Variants in SLC9B2 observed in about 807,000 individuals in gnomAD.
The protein encoded by SLC9B2 is sodium/hydrogen exchanger 9B2.
In SLC9B2, 39 loss-of-function variants were observed where a neutral mutation model predicts 52.2. The ratio of observed to expected loss-of-function variants is 0.75; its 90% CI spans 0.58 to 0.98. The LOEUF (loss-of-function observed/expected upper bound fraction) is 0.98. Ranked by LOEUF, SLC9B2 falls within the 50% of genes least tolerant of loss-of-function variation. The pLI, the probability that SLC9B2 is intolerant of heterozygous loss-of-function variation, is 0.00. For synonymous variants in SLC9B2, 214 were observed against 227.0 expected, an observed-to-expected ratio of 0.94 and a Z score of 0.51; for missense variants, 626 against 637.5, an observed-to-expected ratio of 0.98 and a Z score of 0.19.
In SLC9B2 at chr4:103,022,656, T is replaced by C. The variant is rs992954309; in HGVS notation, c.*3714A>G. The stretch of plus-strand genomic sequence containing the variant: ...GAAATTTTGAGGACATCAAGATCAA[T>C]CAAGGTGATTGGGAGTTAATACCAG... On this transcript the variant is annotated 3_prime_UTR_variant, in exon 12 of 12. Coordinates refer to ENST00000394785, the MANE Select transcript of SLC9B2 (RefSeq NM_178833.7). 1.3e-5 allele frequency among the ~76,000 whole-genome samples: 2 copies of C among 152,196 alleles called. No individual in the cohort carries two copies. The highest frequency in any genetic ancestry group is 2.9e-5 in the Non-Finnish European group (2 of 68,028).
At chr4:103,031,337 A>C (rs1742680753) in intron 10 of SLC9B2, among the ~76,000 whole-genome samples, 1 of 152,164 alleles carries the variant, frequency 6.6e-6, no homozygotes, top group Admixed American at 6.5e-5. Context: ...CTATAGAACT[A>C]ACTAGTTGTC....
chr4:103,059,159 A>C (rs1745414288), intron 3 of SLC9B2, among the ~76,000 whole-genome samples: 1 of 152,236 alleles, frequency 6.6e-6, no homozygotes, highest in African/African-American at 2.4e-5. Flanking sequence ...GAGTTGGGGC[A>C]GACCACTCAA....
At chr4:103,048,610 C>A (rs528725943) in intron 6 of SLC9B2, 1 of 268,258 alleles carries the variant, frequency 3.7e-6, no homozygotes, top group East Asian at 8.6e-5. Flanking sequence ...TTTGTGCAGA[C>A]GTTAGGTGGA....
In SLC9B2 at chr4:103,049,114, C is replaced by T; in HGVS notation, c.586-94G>A. The T allele has an allele frequency of 3.5e-6, 5 of 1,412,804 alleles. No individual in the cohort carries two copies. In the South Asian group the frequency reaches 7.4e-5, roughly 21 times the overall value. 87.5% of individuals were successfully genotyped at this position (1,412,804 alleles called of 1,614,324 possible). ...TTTCTCTTCAGTATATGGACCACGT[C>T]TGGGTCATCATGAGTTTTCAAGGTA... is the stretch of plus-strand genomic sequence containing the variant. On this transcript the variant is annotated intron_variant, in intron 5 of 11. Transcript: ENST00000394785.
In SLC9B2 at chr4:103,067,500, T is replaced by C. The variant is rs1746244708; in HGVS notation, c.51A>G (p.Thr17=). ...GCATGGAGGGCGTGTAATTCATTCC[T>C]GTGGATGGTTCTGAATCTTCATATG... ...RITYEDSEPS[T]GMNYTPSMHQ... is the part of the protein sequence containing the mutation. Residue 17 remains threonine (T), a synonymous_variant, in exon 2 of 12, where the codon ACA becomes ACG. Coordinates refer to ENST00000394785, the MANE Select transcript of SLC9B2 (RefSeq NM_178833.7). 6.2e-7 allele frequency: 1 copy of C among 1,613,598 alleles called. No individual in the cohort carries two copies. The highest frequency in any genetic ancestry group is 8.5e-7 in the Non-Finnish European group (1 of 1,179,602).
chr4:103,052,548 T>C (rs1421083003), intron 4 of SLC9B2, among the ~76,000 whole-genome samples: 1 of 152,244 alleles, frequency 6.6e-6, no homozygotes, highest in Non-Finnish European at 1.5e-5. Context: ...CACTAATGCT[T>C]ACATTCCATT....
At position 103,026,291 on chromosome 4, in the gene SLC9B2, A is replaced by T. The variant is rs1357776630; in HGVS notation, c.*79T>A. The T allele has an allele frequency of 1.5e-6, 2 of 1,294,394 alleles. No homozygotes were observed. Among genetic ancestry groups the T allele is most frequent in the Non-Finnish European group, 2.1e-6 (2 of 934,354 alleles). The allele number at this position is 1,294,394 out of a possible 1,614,324, so 80.2% of individuals were successfully genotyped here. A position where few individuals can be genotyped will look rare whatever the true frequency, so the allele number is the denominator to read the frequency against. On this transcript the variant is annotated 3_prime_UTR_variant, in exon 12 of 12. Transcript: ENST00000394785. ...TGGTTCTATTACATTTTAAGCTTAA[A>T]CATTACATATTTCAATATGCATCTT...
downstream of SLC9B2, chr4:103,019,567 G>A (rs754711223): frequency 4.1e-5 from 40 of 984,916 alleles, no homozygotes; most frequent in Admixed American, 6.1e-5. Flanking sequence ...CAAAGGGCTT[G>A]GAAGGGCGGC....
rs1410748900 is a variant in SLC9B2 at position 103,023,022 on chromosome 4, CT to C, written c.*3347del. On this transcript the variant is annotated 3_prime_UTR_variant, in exon 12 of 12. Transcript: ENST00000394785. Reference sequence around the variant, plus strand: ...GGCATCCTGATCTCGAACTTCCAACCTTTAATAGAAGTAAGTTTCTGTTGTG... The same window carrying C: ...GGCATCCTGATCTCGAACTTCCAACCTTAATAGAAGTAAGTTTCTGTTGTG... 6.6e-6 allele frequency among the ~76,000 whole-genome samples: 1 copy of C among 152,166 alleles called. No homozygotes were observed. The highest frequency in any genetic ancestry group is 1.5e-5 in the Non-Finnish European group (1 of 68,036).
rs1741955404 is a variant in SLC9B2, at chr4:103,023,546, C to T, written c.*2824G>A. Among the ~76,000 whole-genome samples, 1 of 152,136 alleles carries T rather than the reference C, an allele frequency of 6.6e-6. No individual in the cohort carries two copies. The highest frequency in any genetic ancestry group is 6.5e-5 in the Admixed American group (1 of 15,280). On this transcript the variant is annotated 3_prime_UTR_variant, in exon 12 of 12. Transcript: ENST00000394785. ...ATGGTCAGCCTCTGTCATTCTTGAC[C>T]TCACCATCTCCATGATATATAACAG...
intron 8 of SLC9B2, 77 bp from the exon 9 acceptor site, chr4:103,043,522 G>A (rs1209901489): frequency 3.1e-6 from 4 of 1,290,452 alleles, no homozygotes; most frequent in Non-Finnish European, 3.2e-6. Context: ...CCATATCTAG[G>A]ATTTAGAAAG....
rs756420371 is a variant in SLC9B2, at chr4:103,073,948, ATC to A, written c.-43+2234_-43+2235del. Reference sequence around the variant, plus strand: ...GATAAGTCATTATTGGTGTAAATCAATCTCTGTAACACCATTCCTCTTTGCCA... The same window carrying A: ...GATAAGTCATTATTGGTGTAAATCAATCTGTAACACCATTCCTCTTTGCCA... On this transcript the variant is annotated intron_variant, in intron 1 of 11. Transcript: ENST00000394785. 3.2e-4 allele frequency among the ~76,000 whole-genome samples: 48 copies of A among 152,296 alleles called. No individual in the cohort carries two copies. In the East Asian group the frequency reaches 3.3e-3, roughly 10 times the overall value.
At chr4:103,029,389 C>A (rs1432299824) in intron 10 of SLC9B2, among the ~76,000 whole-genome samples, 1 of 151,858 alleles carries the variant, frequency 6.6e-6, no homozygotes, top group African/African-American at 2.4e-5. Flanking sequence ...ATATTTTAAC[C>A]CAAAAAGTCA....
In SLC9B2 at chr4:103,048,910, T is replaced by A. The variant is rs771580095; in HGVS notation, c.696A>T (p.Gln232His). ...LAHYLLGLPWQWGFILGFVLG... is the reference protein window; with the variant it reads ...LAHYLLGLPWHWGFILGFVLG... ...ATCATTACCCCAGTATAAATCCCCATTGCCATGGTAAACCCAGCAGGTAAT... is the reference window on the plus strand; with the variant it reads ...ATCATTACCCCAGTATAAATCCCCAATGCCATGGTAAACCCAGCAGGTAAT... The change falls in exon 6 of 12, where the codon CAA becomes CAT. Residue 232 changes from glutamine (Q) to histidine (H), a missense_variant. Physicochemically the swap from Gln to His is conservative, Grantham distance 24 (BLOSUM62 0). Coordinates refer to ENST00000394785, the MANE Select transcript of SLC9B2 (RefSeq NM_178833.7). The A allele has an allele frequency of 1.9e-6, 3 of 1,613,792 alleles. No individual in the cohort carries two copies. The highest frequency in any genetic ancestry group is 2.5e-6 in the Non-Finnish European group (3 of 1,179,798).
At chr4:103,060,528 GTTTT>G (rs1220473145) in intron 3 of SLC9B2, among the ~76,000 whole-genome samples, 2 of 114,948 alleles carry the variant, frequency 1.7e-5, no homozygotes, top group African/African-American at 3.3e-5. Flanking sequence ...CCTTTTGCAT[GTTTT>G]TTTTGTTTGT....
chr4:103,037,445 G>T (rs1743272876), intron 9 of SLC9B2, among the ~76,000 whole-genome samples: 1 of 152,142 alleles, frequency 6.6e-6, no homozygotes. Flanking sequence ...AATATATTCA[G>T]CAGTTTGACA....
chr4:103,064,184 T>C (rs1189877381), intron 3 of SLC9B2, among the ~76,000 whole-genome samples: 1 of 152,178 alleles, frequency 6.6e-6, no homozygotes, highest in Non-Finnish European at 1.5e-5. Flanking sequence ...GTTGAAGAGA[T>C]TTCTGCACTC....
downstream of SLC9B2, chr4:103,019,756 G>C: frequency 1.0e-6 from 1 of 985,662 alleles, no homozygotes; most frequent in South Asian, 4.7e-5. Flanking sequence ...GCGGCAGCGC[G>C]TTTAAGTGAC....
rs1198449604 is a variant in SLC9B2 at position 103,024,281 on chromosome 4, T to C, written c.*2089A>G. Among the ~76,000 whole-genome samples the C allele has an allele frequency of 6.6e-6, 1 of 152,158 alleles. No homozygotes were observed. The highest frequency in any genetic ancestry group is 1.5e-5 in the Non-Finnish European group (1 of 68,022). ...CATCTACTTTTAGAGCCTGCAAAAA[T>C]AGAGGACCAGATGATCATTAAGTTT... On this transcript the variant is annotated 3_prime_UTR_variant, in exon 12 of 12. Coordinates refer to ENST00000394785, the MANE Select transcript of SLC9B2 (RefSeq NM_178833.7).
Sources: gnomAD v4.1 joint callset for allele counts (sites outside exome capture counted in the v4.1 genomes callset) on GRCh38, gnomAD v4.1.1 for gene constraint, MANE v1.5 for transcripts, NCBI Gene and HGNC (gene_info 2026-07-23, HGNC 2026-07-21) for gene names.